MEPE: variants seen among roughly 807,000 people sequenced by gnomAD.
The protein encoded by MEPE is matrix extracellular phosphoglycoprotein.
Under a neutral mutation model 7.3 loss-of-function variants are expected in MEPE, and 7 were observed. The observed-to-expected ratio is 0.95, with a 90% CI of 0.54 to 1.79. The LOEUF (loss-of-function observed/expected upper bound fraction) is 1.79, where lower values mean the gene tolerates loss of function less well. MEPE is among the 40% of genes most tolerant of loss of function. The pLI is 0.00. For synonymous variants in MEPE, 214 were observed against 213.1 expected (o/e 1.00, Z -0.04); for missense variants, 623 against 628.2 (o/e 0.99, Z 0.09).
chr4:87,844,084 T>G (rs970683704), intron 3 of MEPE, among the ~76,000 whole-genome samples: 6 of 152,180 alleles, frequency 3.9e-5, no homozygotes, highest in Non-Finnish European at 7.3e-5. Context: ...GACTCACATT[T>G]GTCCCTAGTA....
intron 1 of MEPE, among the ~76,000 whole-genome samples, chr4:87,826,386 T>G (rs562566157): frequency 1.8e-3 from 280 of 151,814 alleles, no homozygotes; most frequent in African/African-American, 5.5e-3. Context: ...AACAGTTTTT[T>G]TTTTTGTTTT....
intron 3 of MEPE, chr4:87,840,046 G>T (rs751531374): frequency 6.5e-7 from 1 of 1,535,308 alleles, no homozygotes; most frequent in South Asian, 1.2e-5. Context: ...TGATACTCAT[G>T]GACCTCAGGT....
At chr4:87,833,038 A>G (rs1256683540) in intron 1 of MEPE, 24 bp downstream of exon 1, 1 of 152,196 alleles carries the variant, frequency 6.6e-6, no homozygotes, top group Non-Finnish European at 1.5e-5. Flanking sequence ...CATGTTCTTG[A>G]CAGCAAATAG....
chr4:87,830,202 G>A (rs901598416), upstream of MEPE, among the ~76,000 whole-genome samples: 2 of 152,086 alleles, frequency 1.3e-5, no homozygotes, highest in Non-Finnish European at 2.9e-5. Context: ...CAGAACTACT[G>A]TTTGATCCAG....
upstream of MEPE, among the ~76,000 whole-genome samples, chr4:87,831,564 G>T (rs889670111): frequency 9.2e-5 from 14 of 152,094 alleles, no homozygotes; most frequent in African/African-American, 3.1e-4. Context: ...CTCTGGCTGG[G>T]ATTATTACAA....
chr4:87,825,671 T>C (rs2109988186), intron 1 of MEPE, among the ~76,000 whole-genome samples: 1 of 152,316 alleles, frequency 6.6e-6, no homozygotes, highest in East Asian at 1.9e-4. Context: ...ACAAATCCAG[T>C]TAATTAATTT....
At chr4:87,830,448 G>A (rs903717873), upstream of MEPE, among the ~76,000 whole-genome samples, 1 of 152,118 alleles carries the variant, frequency 6.6e-6, no homozygotes, top group Non-Finnish European at 1.5e-5. Flanking sequence ...TGGAGCTGGA[G>A]GCCATTATCT....
chr4:87,824,697 T>C (rs1722420723), intron 1 of MEPE, among the ~76,000 whole-genome samples: 1 of 152,218 alleles, frequency 6.6e-6, no homozygotes, highest in Non-Finnish European at 1.5e-5. Flanking sequence ...AAATTGTATC[T>C]TTTTCTCTTT....
At chr4:87,839,616 T>A (rs1451225332) in intron 3 of MEPE, 7 of 1,109,334 alleles carry the variant, frequency 6.3e-6, no homozygotes, top group East Asian at 2.6e-5. Flanking sequence ...TCTTATATTA[T>A]TACAAAGAGC....
chr4:87,846,688 A>T lies in MEPE; in HGVS notation c.*242A>T. ...ATCATTACAGATCTATGAAATAGGT[A>T]ACATTTGAGTAGGTGTCATTTAAAA... On this transcript the variant is annotated 3_prime_UTR_variant, in exon 4 of 4. Coordinates refer to ENST00000361056, the MANE Select transcript of MEPE (RefSeq NM_020203.6). The T allele has an allele frequency of 2.3e-6, 1 of 442,364 alleles. No homozygotes were observed. The highest frequency in any genetic ancestry group is 4.0e-6 in the Non-Finnish European group (1 of 251,678). The allele number at this position is 442,364 out of a possible 1,614,324, so 27.4% of individuals were successfully genotyped here.
chr4:87,840,261 C>T (rs937901651), intron 3 of MEPE, among the ~76,000 whole-genome samples: 1 of 152,134 alleles, frequency 6.6e-6, no homozygotes, highest in Admixed American at 6.5e-5. Context: ...TTGGGTTGCT[C>T]AGAAGTAAAA....
intron 3 of MEPE, 44 bp from the exon 4 acceptor site, chr4:87,844,933 A>T (rs779743627): frequency 1.5e-5 from 21 of 1,368,236 alleles, no homozygotes; most frequent in Middle Eastern, 2.6e-4. Context: ...TATTTTAAAA[A>T]TTTTACATAA....
At chr4:87,827,320 T>C (rs1432889121) in intron 1 of MEPE, among the ~76,000 whole-genome samples, 1 of 152,132 alleles carries the variant, frequency 6.6e-6, no homozygotes, top group Admixed American at 6.5e-5. Flanking sequence ...CTGACAAGCA[T>C]AGAGAAAATC....
At position 87,845,917 on chromosome 4, in the gene MEPE, T is replaced by C; in HGVS notation, c.1049T>C (p.Leu350Pro). 1.9e-6 allele frequency: 3 copies of C among 1,613,772 alleles called. No individual in the cohort carries two copies. Among genetic ancestry groups the C allele is most frequent in the Non-Finnish European group, 2.5e-6 (3 of 1,179,920 alleles). The change falls in exon 4 of 4, where the codon CTC (leucine) becomes CCC (proline). Residue 350 changes from leucine to proline, a missense_variant. Transcript: ENST00000361056. ...DIMGSTNFKE[L>P]PGREGNRVDA... ...ATGGGTAGTACCAATTTTAAGGAGCTCCCTGGAAGAGAAGGAAACAGAGTG... is the reference window on the plus strand; with the variant it reads ...ATGGGTAGTACCAATTTTAAGGAGCCCCCTGGAAGAGAAGGAAACAGAGTG...
rs61731015 is a variant in MEPE at position 87,846,309 on chromosome 4, C to A, written c.1441C>A (p.Arg481=). ...ACCCCACAGACAAAATAATTCTACA[C>A]GGAATAAGGGTATGCCACAAGGGAA... The part of the protein sequence containing the change: ...YVPHRQNNST[R]NKGMPQGKGS... Residue 481 remains arginine (R), a synonymous_variant, in exon 4 of 4, where the codon CGG becomes AGG. Transcript: ENST00000361056. 2 of 1,613,920 alleles carry A rather than the reference C, an allele frequency of 1.2e-6. No individual in the cohort carries two copies. The highest frequency in any genetic ancestry group is 1.3e-5 in the African/African-American group (1 of 74,894).
upstream of MEPE, among the ~76,000 whole-genome samples, chr4:87,832,709 A>C (rs1722630183): frequency 6.6e-6 from 1 of 152,226 alleles, no homozygotes; most frequent in Non-Finnish European, 1.5e-5. Flanking sequence ...CCTAATTAGC[A>C]GTTCTGAAAT....
chr4:87,845,316 A>C lies in MEPE; in HGVS notation c.448A>C (p.Asn150His). The change falls in exon 4 of 4, where the codon AAC becomes CAC. Residue 150 changes from asparagine to histidine, a missense_variant. Coordinates refer to ENST00000361056, the MANE Select transcript of MEPE (RefSeq NM_020203.6). ...ATATGGCGCAGCTCTCATCAGAAAT[A>C]ACATGCAACATATAATGGGGCCAGT... Reference protein sequence around the residue: ...EEYGAALIRNNMQHIMGPVTA... With the variant: ...EEYGAALIRNHMQHIMGPVTA... 6.2e-7 allele frequency: 1 copy of C among 1,614,040 alleles called. No individual in the cohort carries two copies. Among genetic ancestry groups the C allele is most frequent in the South Asian group, 1.1e-5 (1 of 91,070 alleles).
chr4:87,823,813 TA>T (rs1486993994), intron 1 of MEPE, among the ~76,000 whole-genome samples: 1 of 151,944 alleles, frequency 6.6e-6, no homozygotes, highest in Non-Finnish European at 1.5e-5. Flanking sequence ...AATCTCGGGT[TA>T]AAAAAAAGAA....
chr4:87,833,517 AAT>A (rs1722659461), intron 1 of MEPE, among the ~76,000 whole-genome samples: 1 of 152,190 alleles, frequency 6.6e-6, no homozygotes, highest in Admixed American at 6.5e-5. Flanking sequence ...GAATATATTT[AAT>A]AGTTACAATC....
Sources: gnomAD v4.1 joint callset for allele counts (sites outside exome capture counted in the v4.1 genomes callset) on GRCh38, gnomAD v4.1.1 for gene constraint, MANE v1.5 for transcripts, NCBI Gene and HGNC (gene_info 2026-07-23, HGNC 2026-07-21) for gene names.